TLCD3B: variants seen among roughly 807,000 people sequenced by gnomAD.
TLCD3B encodes TLC domain containing 3B, also known as ceramide synthase.
TLCD3B carries 9 observed loss-of-function variants against 23.0 expected under a neutral mutation model. The ratio of observed to expected loss-of-function variants is 0.39; its 90% CI spans 0.24 to 0.68. TLCD3B has a LOEUF of 0.68. TLCD3B is among the 30% of genes least tolerant of loss of function. The probability of loss-of-function intolerance (pLI) is 0.44; values close to 1 mark genes in which losing one functional copy is unlikely to be tolerated. For missense variants in TLCD3B, 307 were observed against 371.8 expected, an observed-to-expected ratio of 0.83 and a Z score of 1.43; for synonymous variants, 161 against 161.0, an observed-to-expected ratio of 1.00 and a Z score of 0.00.
chr16:30,036,142 C>A, upstream of TLCD3B: 1 of 1,281,512 alleles, frequency 7.8e-7, no homozygotes, highest in Non-Finnish European at 1.0e-6. Context: ...TCTACCTTCT[C>A]CCCAGTCCTC....
chr16:30,047,728 G>A (rs953286294), intron 1 of TLCD3B, among the ~76,000 whole-genome samples: 8 of 151,842 alleles, frequency 5.3e-5, no homozygotes, highest in Non-Finnish European at 1.0e-4. Flanking sequence ...CAAAATGCAG[G>A]GATTACAGGT....
At chr16:30,034,700 A>C (rs2071432723), upstream of TLCD3B, among the ~76,000 whole-genome samples, 1 of 152,118 alleles carries the variant, frequency 6.6e-6, no homozygotes, top group African/African-American at 2.4e-5. Context: ...TCCAGCCTAT[A>C]TCATCCCTGC....
At position 30,030,650 on chromosome 16, in the gene TLCD3B, G is replaced by C. The variant is rs926518800; in HGVS notation, c.-123C>G. 8 of 1,369,250 alleles carry C rather than the reference G, an allele frequency of 5.8e-6. 1 individual carries two copies. The African/African-American group carries it at 1.1e-4, about 18-fold the overall frequency. 84.8% of individuals were successfully genotyped at this position (1,369,250 alleles called of 1,614,324 possible). A position where few individuals can be genotyped will look rare whatever the true frequency, so the allele number is the denominator to read the frequency against. On this transcript the variant is annotated 5_prime_UTR_variant, in exon 1 of 5. Transcript: ENST00000380495. ...GAAGGAGGGAGAAAACGATGAGAAGGGGCACAAAGGGGCCAGGGCGGGGAC... is the reference window on the plus strand; with the variant it reads ...GAAGGAGGGAGAAAACGATGAGAAGCGGCACAAAGGGGCCAGGGCGGGGAC...
At chr16:30,027,647 A>G in intron 2 of TLCD3B, 1 of 456,128 alleles carries the variant, frequency 2.2e-6, no homozygotes, top group South Asian at 1.5e-5. Context: ...AAAGGAGCCA[A>G]GGACAAAGAA....
upstream of TLCD3B, among the ~76,000 whole-genome samples, chr16:30,031,937 C>T (rs574609169): frequency 6.6e-6 from 1 of 152,332 alleles, no homozygotes; most frequent in African/African-American, 2.4e-5. Flanking sequence ...CGCGGGGCAG[C>T]TGCCTCTCAG....
At chr16:30,037,985 G>T (rs962606125) in intron 3 of TLCD3B, among the ~76,000 whole-genome samples, 4 of 152,120 alleles carry the variant, frequency 2.6e-5, no homozygotes, top group African/African-American at 9.7e-5. Flanking sequence ...GTTTAACTTG[G>T]GGAAGGTATT....
chr16:30,040,147 A>AAAAAATATATAT, intron 3 of TLCD3B, among the ~76,000 whole-genome samples: 81 of 95,898 alleles, frequency 8.4e-4, no homozygotes, highest in East Asian at 2.4e-3. Flanking sequence ...AAAAAAAAAA[A>AAAAAATATATAT]ATATATATAT....
upstream of TLCD3B, chr16:30,032,867 C>CA (rs2071395342): frequency 6.6e-6 from 1 of 152,058 alleles, no homozygotes; most frequent in South Asian, 2.1e-4. Flanking sequence ...AGGCTGGTCT[C>CA]AAACTCCTGG....
rs1324025533 is a variant in TLCD3B at position 30,039,116 on chromosome 16, T to C, written c.-67+1879A>G. On this transcript the variant is annotated intron_variant, in intron 3 of 6. Coordinates refer to the TLCD3B transcript ENST00000561666. ...CCTCCTTCCTCTCTTTTTTTTTTTTTTTTTTTTTTTTTTTTTTAGATGGAG... is the reference window on the plus strand; with the variant it reads ...CCTCCTTCCTCTCTTTTTTTTTTTTCTTTTTTTTTTTTTTTTTAGATGGAG... Among the ~76,000 whole-genome samples, 19 of 138,980 alleles carry C rather than the reference T, an allele frequency of 1.4e-4. 4 individuals carry two copies. The highest frequency in any genetic ancestry group is 1.0e-3 in the East Asian group (5 of 4,778). 91.2% of individuals were successfully genotyped at this position (138,980 alleles called of 152,430 possible).
At position 30,024,475 on chromosome 16, in the gene TLCD3B, C is replaced by CA. The variant is rs2070998872; in HGVS notation, c.*707dup. The CA allele has an allele frequency of 3.5e-6, 2 of 574,766 alleles. No individual in the cohort carries two copies. The highest frequency in any genetic ancestry group is 6.1e-6 in the Non-Finnish European group (2 of 328,144). 35.6% of individuals were successfully genotyped at this position (574,766 alleles called of 1,614,324 possible). On this transcript the variant is annotated 3_prime_UTR_variant, in exon 5 of 5. Transcript: ENST00000380495. The stretch of plus-strand genomic sequence containing the variant: ...TATTAGCGGTCTGTAAAGCACCTCC[C>CA]AGGGTCCCCCGACCCCAGATTGGAG...
chr16:30,043,686 C>T (rs2071612891), intron 2 of TLCD3B, among the ~76,000 whole-genome samples: 1 of 151,962 alleles, frequency 6.6e-6, no homozygotes, highest in Non-Finnish European at 1.5e-5. Flanking sequence ...TGTTTTTCAC[C>T]ATGTATTATT....
At chr16:30,040,147 A>AAAAAAAAAAAATAT in intron 3 of TLCD3B, among the ~76,000 whole-genome samples, 1 of 95,898 alleles carries the variant, frequency 1.0e-5, no homozygotes, top group Non-Finnish European at 2.0e-5. Context: ...AAAAAAAAAA[A>AAAAAAAAAAAATAT]ATATATATAT....
intron 1 of TLCD3B, among the ~76,000 whole-genome samples, chr16:30,048,783 T>C (rs2071709938): frequency 6.6e-6 from 1 of 151,904 alleles, no homozygotes; most frequent in Non-Finnish European, 1.5e-5. Flanking sequence ...TTTTTTTTTC[T>C]TTTTGGGGGC....
intron 1 of TLCD3B, among the ~76,000 whole-genome samples, chr16:30,048,866 G>T (rs771901873): frequency 1.3e-5 from 2 of 152,050 alleles, no homozygotes; most frequent in Non-Finnish European, 2.9e-5. Flanking sequence ...CACCTCATGG[G>T]TTCCAGCAAT....
chr16:30,032,169 T>C (rs372841427), upstream of TLCD3B, among the ~76,000 whole-genome samples: 54 of 152,256 alleles, frequency 3.5e-4, 3 homozygotes, highest in African/African-American at 1.2e-3. Context: ...AAGTGAGGCC[T>C]GGGGACTGGG....
chr16:30,028,803 T>TCAG, intron 2 of TLCD3B, among the ~76,000 whole-genome samples: 1 of 152,108 alleles, frequency 6.6e-6, no homozygotes, highest in Non-Finnish European at 1.5e-5. Flanking sequence ...CACCCGTGGG[T>TCAG]CACCTAGGGC....
At position 30,030,499 on chromosome 16, in the gene TLCD3B, A is replaced by AC. The variant is rs780301705; in HGVS notation, c.28dup (p.Val10GlyfsTer59). 63 of 1,583,332 alleles carry AC rather than the reference A, an allele frequency of 4.0e-5. No homozygotes were observed. Among genetic ancestry groups the AC allele is most frequent in the East Asian group, 4.6e-5 (2 of 43,584 alleles). On this transcript the variant is annotated frameshift_variant, in exon 1 of 5. Transcript: ENST00000380495. LOFTEE classifies it high-confidence loss of function. ...GAGGAGGAAGAGTCCGGGGAACACCACCCCCCCGGCCACCATCGGGGTCAG... is the reference window on the plus strand; with the variant it reads ...GAGGAGGAAGAGTCCGGGGAACACCACCCCCCCCGGCCACCATCGGGGTCAG...
At chr16:30,036,462 T>TCCTG in intron 3 of TLCD3B, 2 of 1,207,144 alleles carry the variant, frequency 1.7e-6, no homozygotes, top group Non-Finnish European at 2.1e-6. Flanking sequence ...GGGAACCAGG[T>TCCTG]CCTGCCATCC....
rs1052314097 is a variant in TLCD3B at position 30,029,904 on chromosome 16, G to A, written c.126-389C>T. The stretch of plus-strand genomic sequence containing the variant: ...CCCCGCTTAGCTGTCCAGTCATGAC[G>A]CAGGCCTCACTCTGGACCCTTTGTG... On this transcript the variant is annotated intron_variant, in intron 1 of 4. Transcript: ENST00000380495. This position sits in a 1 kb window ranked among gnomAD's most constrained non-coding sequence, Gnocchi z 4.6. Among the ~76,000 whole-genome samples the A allele has an allele frequency of 2.0e-5, 3 of 152,136 alleles. No homozygotes were observed. Among genetic ancestry groups the A allele is most frequent in the African/African-American group, 7.2e-5 (3 of 41,420 alleles).
Sources: allele counts gnomAD v4.1 joint callset (sites outside exome capture counted in the v4.1 genomes callset), GRCh38; gene constraint gnomAD v4.1.1; non-coding constraint Gnocchi (gnomAD v3.1); transcripts MANE v1.5; gene names NCBI Gene and HGNC (gene_info 2026-07-23, HGNC 2026-07-21).